Variants in SMG5 observed in about 807,000 individuals in gnomAD.
SMG5 encodes the protein nonsense-mediated mRNA decay factor SMG5.
A neutral mutation model predicts 122.9 loss-of-function variants in SMG5; 53 were observed. The observed-to-expected ratio is 0.43, with a 90% CI of 0.35 to 0.54. The LOEUF (loss-of-function observed/expected upper bound fraction) is 0.54. Among genes scored for constraint, SMG5 ranks in the 20% least tolerant of loss-of-function variants. The pLI is 0.01. For synonymous variants in SMG5, 477 were observed against 490.2 expected (o/e 0.97, Z 0.35); for missense variants, 1,153 against 1,285.6 (o/e 0.90, Z 1.58).
At chr1:156,268,235 G>A (rs1662246167) in intron 8 of SMG5, 52 bp from the exon 9 acceptor site, 2 of 1,613,892 alleles carry the variant, frequency 1.2e-6, no homozygotes, top group South Asian at 1.1e-5. Flanking sequence ...CAGTCCCTAT[G>A]GTCCTACTGC....
chr1:156,271,017 A>G (rs1330968706), intron 7 of SMG5, among the ~76,000 whole-genome samples: 1 of 152,148 alleles, frequency 6.6e-6, no homozygotes. Flanking sequence ...CAAAAAAAAA[A>G]AAAGAAAAAA....
intron 1 of SMG5, among the ~76,000 whole-genome samples, chr1:156,281,525 C>T (rs1482577043): frequency 6.6e-6 from 1 of 152,176 alleles, no homozygotes; most frequent in Non-Finnish European, 1.5e-5. Context: ...TTGGAGCAGC[C>T]TATACTCCCC....
chr1:156,285,669 G>A (rs541262330), upstream of SMG5: 18 of 1,613,872 alleles, frequency 1.1e-5, no homozygotes, highest in South Asian at 4.4e-5. Context: ...CTTATCGTGC[G>A]CTGTGAGGCA....
Position 156,251,018 on chromosome 1 carries a change from G to C in SMG5, c.2829-22C>G, listed in dbSNP as rs1162117642. ...AGTCCTGGGGATGGGGGGCAGAGGG[G>C]AAGATGGGCCAAGACCCAGCATTAG... On this transcript the variant is annotated intron_variant, in intron 20 of 21. Coordinates refer to ENST00000361813, the MANE Select transcript of SMG5 (RefSeq NM_015327.3). The C allele has an allele frequency of 4.3e-6, 7 of 1,610,608 alleles. No individual in the cohort carries two copies. In the African/African-American group the frequency reaches 5.3e-5, roughly 12 times the overall value.
At position 156,249,635 on chromosome 1, in the gene SMG5, G is replaced by A. The variant is rs150830274; in HGVS notation, c.*952C>T. 5.8e-4 allele frequency: 240 copies of A among 417,176 alleles called. 2 individuals carry two copies. Among genetic ancestry groups the A allele is most frequent in the South Asian group, 1.4e-3 (76 of 54,844 alleles). The allele number at this position is 417,176 out of a possible 1,614,324, so 25.8% of individuals were successfully genotyped here. On this transcript the variant is annotated 3_prime_UTR_variant, in exon 22 of 22. Coordinates refer to ENST00000361813, the MANE Select transcript of SMG5 (RefSeq NM_015327.3). Reference sequence around the variant, plus strand: ...GCGGAAGGCAAAAGGAGGGACGGGGGCCTCTGACTGAGCAGCTTCAAGGAG... The same window carrying A: ...GCGGAAGGCAAAAGGAGGGACGGGGACCTCTGACTGAGCAGCTTCAAGGAG...
chr1:156,279,075 A>G (rs376591379), intron 1 of SMG5, 41 bp from the exon 2 acceptor site: 44 of 1,532,850 alleles, frequency 2.9e-5, no homozygotes, highest in Non-Finnish European at 3.7e-5. Context: ...AGCCATATGC[A>G]TGGTCCACAG....
intron 7 of SMG5, among the ~76,000 whole-genome samples, chr1:156,270,095 G>A (rs977978177): frequency 3.9e-5 from 6 of 152,076 alleles, no homozygotes; most frequent in Admixed American, 6.6e-5. Flanking sequence ...ATTTTGTGTC[G>A]TTTCTTAAAA....
At chr1:156,291,310 C>T in the SMG5 span, 1 of 1,400,820 alleles carries the variant, frequency 7.1e-7, no homozygotes, top group Non-Finnish European at 1.0e-6. Flanking sequence ...ATCTACTCCC[C>T]CCACCGTCAG....
intron 5 of SMG5, among the ~76,000 whole-genome samples, chr1:156,273,804 C>T (rs1662557961): frequency 6.6e-6 from 1 of 150,706 alleles, no homozygotes; most frequent in Non-Finnish European, 1.5e-5. Flanking sequence ...ATCCTCCTGC[C>T]TCAGCCTCCC....
At chr1:156,258,909 C>A in intron 16 of SMG5, 96 bp downstream of exon 16, 1 of 1,475,208 alleles carries the variant, frequency 6.8e-7, no homozygotes, top group South Asian at 1.3e-5. Flanking sequence ...CTATGTCCTT[C>A]AGGTGGAGAC....
chr1:156,282,929 G>A (rs969138406), upstream of SMG5: 4 of 553,022 alleles, frequency 7.2e-6, no homozygotes, highest in African/African-American at 5.9e-5. Flanking sequence ...CTCCCGGGAA[G>A]TTGCCAGAAC....
At position 156,266,579 on chromosome 1, in the gene SMG5, C is replaced by T; in HGVS notation, c.1217G>A (p.Gly406Asp). The change falls in exon 11 of 22, where the codon GGC (glycine) becomes GAC (aspartate). Residue 406 changes from glycine (G) to aspartate (D), a missense_variant. Coordinates refer to ENST00000361813, the MANE Select transcript of SMG5 (RefSeq NM_015327.3). The stretch of plus-strand genomic sequence containing the variant: ...CTGGAATGCCGGGACGGGATTCTCG[C>T]CCTCTTCCAGCTCAGCCTGCAGCCG... ...NIRLQAELEEGENPVPAFQSD... is the reference protein window; with the variant it reads ...NIRLQAELEEDENPVPAFQSD... 1 of 1,614,170 alleles carries T rather than the reference C, an allele frequency of 6.2e-7. No homozygotes were observed. The highest frequency in any genetic ancestry group is 8.5e-7 in the Non-Finnish European group (1 of 1,180,040).
At chr1:156,286,291 C>T (rs1184231747), upstream of SMG5, 31 of 1,614,108 alleles carry the variant, frequency 1.9e-5, no homozygotes, top group Non-Finnish European at 2.5e-5. Context: ...GCCTGTTATG[C>T]TTTTCTGCCC....
rs1358047689 is a variant in SMG5 at position 156,250,072 on chromosome 1, G to C, written c.*515C>G. On this transcript the variant is annotated 3_prime_UTR_variant, in exon 22 of 22. Coordinates refer to ENST00000361813, the MANE Select transcript of SMG5 (RefSeq NM_015327.3). ...TCCAGAGCTGCCTGGTCCCCATAAA[G>C]GGGGCTGAAAGGAGGATGGGTGATC... is the stretch of plus-strand genomic sequence containing the variant. 2.5e-6 allele frequency: 1 copy of C among 395,736 alleles called. No homozygotes were observed. The highest frequency in any genetic ancestry group is 3.0e-5 in the Admixed American group (1 of 32,924). The allele number at this position is 395,736 out of a possible 1,614,324, so 24.5% of individuals were successfully genotyped here. A position where few individuals can be genotyped will look rare whatever the true frequency, so the allele number is the denominator to read the frequency against.
Position 156,250,504 on chromosome 1 carries a change from G to A in SMG5, c.*83C>T. 8.4e-7 allele frequency: 1 copy of A among 1,194,830 alleles called. No individual in the cohort carries two copies. The highest frequency in any genetic ancestry group is 1.2e-6 in the Non-Finnish European group (1 of 801,792). 74.0% of individuals were successfully genotyped at this position (1,194,830 alleles called of 1,614,324 possible). A position where few individuals can be genotyped will look rare whatever the true frequency, so the allele number is the denominator to read the frequency against. The stretch of plus-strand genomic sequence containing the variant: ...CGTGCATGAGTCTGCGTGTGGTGGG[G>A]TGACTACAGGTGCTGGTCCTGGCTG... On this transcript the variant is annotated 3_prime_UTR_variant, in exon 22 of 22. Transcript: ENST00000361813.
chr1:156,271,557 C>T (rs12126696), intron 7 of SMG5, among the ~76,000 whole-genome samples: 31,778 of 146,712 alleles, frequency 0.22, 4,254 homozygotes, highest in Non-Finnish European at 0.28. Flanking sequence ...TTTTGGGTGC[C>T]CTGAAGAGGT....
At position 156,259,170 on chromosome 1, in the gene SMG5, G is replaced by A; in HGVS notation, c.2284-7C>T. 1 of 1,559,150 alleles carries A rather than the reference G, an allele frequency of 6.4e-7. No individual in the cohort carries two copies. On this transcript the variant is annotated splice_region_variant and splice_polypyrimidine_tract_variant and intron_variant, in intron 15 of 21. Coordinates refer to ENST00000361813, the MANE Select transcript of SMG5 (RefSeq NM_015327.3). The stretch of plus-strand genomic sequence containing the variant: ...AGCAGATGCGCACCACTGACTGTGG[G>A]GAGATACAGGAGCCCAGCGCTGCTG...
At position 156,269,433 on chromosome 1, in the gene SMG5, AC is replaced by A. The variant is rs370603945; in HGVS notation, c.714-1019del. On this transcript the variant is annotated intron_variant, in intron 7 of 21. Transcript: ENST00000361813. ...CTCAACCCTGTCTTACTAAAAACAA[AC>A]AAACACACACAGCCAGGTGCAGTGG... Among the ~76,000 whole-genome samples, 47 of 152,238 alleles carry A rather than the reference AC, an allele frequency of 3.1e-4. No homozygotes were observed. In the East Asian group the frequency reaches 7.7e-3, roughly 25 times the overall value.
At position 156,249,569 on chromosome 1, in the gene SMG5, C is replaced by T. The variant is rs1356743784; in HGVS notation, c.*1018G>A. ...ATGATCTCTGCTCCCAGATATTCAC[C>T]TCAACACTCCAAAAGCCAGCCCCTT... On this transcript the variant is annotated 3_prime_UTR_variant, in exon 22 of 22. Coordinates refer to ENST00000361813, the MANE Select transcript of SMG5 (RefSeq NM_015327.3). The T allele has an allele frequency of 2.7e-6, 1 of 376,774 alleles. No homozygotes were observed. Among genetic ancestry groups the T allele is most frequent in the South Asian group, 2.0e-5 (1 of 48,836 alleles). 23.3% of individuals were successfully genotyped at this position (376,774 alleles called of 1,614,324 possible). A position where few individuals can be genotyped will look rare whatever the true frequency, so the allele number is the denominator to read the frequency against.
Sources: allele counts gnomAD v4.1 joint callset (sites outside exome capture counted in the v4.1 genomes callset), GRCh38; gene constraint gnomAD v4.1.1; transcripts MANE v1.5; gene names NCBI Gene and HGNC (gene_info 2026-07-23, HGNC 2026-07-21).